PAGE1: variants seen among roughly 807,000 people sequenced by gnomAD.
The protein encoded by PAGE1 is PAGE family member 1, also known as P antigen family member 1.
PAGE1 carries 6 observed loss-of-function variants against 11.5 expected under a neutral mutation model. The observed-to-expected ratio is 0.52, with a 90% CI of 0.29 to 1.03. The LOEUF (loss-of-function observed/expected upper bound fraction) is 1.03, where lower values mean the gene tolerates loss of function less well. Ranked by LOEUF, PAGE1 falls within the 50% of genes least tolerant of loss-of-function variation. PAGE1 has a pLI of 0.09. For synonymous variants in PAGE1, 42 were observed against 40.2 expected (o/e 1.05, Z -0.17); for missense variants, 120 against 110.2 (o/e 1.09, Z -0.40).
intron 4 of PAGE1, among the ~76,000 whole-genome samples, chrX:49,690,110 CACATATATATGTGTATATAT>C (rs1557142019): frequency 3.1e-5 from 2 of 64,970 alleles, no homozygotes; most frequent in African/African-American, 1.5e-4. Context: ...TGTATATATA[CACATATATATGTGTATATAT>C]ACACATATAT....
intron 4 of PAGE1, among the ~76,000 whole-genome samples, chrX:49,689,803 T>C (rs1207806880): frequency 3.1e-5 from 2 of 63,935 alleles, no homozygotes; most frequent in Non-Finnish European, 5.3e-5. Context: ...TATGTATATA[T>C]ATGTGTATAT....
intron 3 of PAGE1, among the ~76,000 whole-genome samples, chrX:49,693,358 A>G (rs1557142435): frequency 8.9e-6 from 1 of 112,096 alleles, no homozygotes; most frequent in African/African-American, 3.2e-5. Context: ...TATTCTAGAT[A>G]CCTTTAACAG....
Position 49,691,369 on chromosome X carries a change from C to T in PAGE1, c.172G>A (p.Glu58Lys), listed in dbSNP as rs375760749. ...AGTTCCTGGCTATCAGCTTCAGGCT[C>T]CTGCCCTTAAAGATAAAACAAAATT... ...DEGASAAQGQ[E>K]PEADSQELVQ... Residue 58 changes from glutamate (E) to lysine (K), a missense_variant, in exon 4 of 6, where the codon GAG (glutamate) becomes AAG (lysine). Physicochemically the swap from Glu to Lys is moderately conservative, Grantham distance 56 (BLOSUM62 1). Transcript: ENST00000376150. 2.5e-6 allele frequency: 3 copies of T among 1,195,566 alleles called. No homozygotes were observed. The highest frequency in any genetic ancestry group is 3.4e-6 in the Non-Finnish European group (3 of 888,363).
intron 4 of PAGE1, among the ~76,000 whole-genome samples, chrX:49,689,745 T>C (rs1246454127): frequency 1.7e-5 from 1 of 58,037 alleles, no homozygotes; most frequent in Non-Finnish European, 2.7e-5. Flanking sequence ...CACATATATG[T>C]ATATGTGTAT....
intron 4 of PAGE1, among the ~76,000 whole-genome samples, chrX:49,689,762 A>G (rs55752844): frequency 6.4e-5 from 4 of 62,908 alleles, no homozygotes; most frequent in Non-Finnish European, 8.2e-5. Flanking sequence ...GTATATATAC[A>G]TATATATGTG....
chrX:49,687,676 A>G, intron 5 of PAGE1, 113 bp from the exon 6 acceptor site: 1 of 633,779 alleles, frequency 1.6e-6, no homozygotes, highest in East Asian at 3.4e-5. Flanking sequence ...GACTAAAAAT[A>G]GAACTCTAAG....
At chrX:49,690,041 A>G (rs1368843642) in intron 4 of PAGE1, among the ~76,000 whole-genome samples, 1 of 68,073 alleles carries the variant, frequency 1.5e-5, no homozygotes, top group East Asian at 7.4e-4. Flanking sequence ...ATATATGTGT[A>G]TATATGTGTA....
At chrX:49,691,072 G>T (rs1338400248) in intron 4 of PAGE1, among the ~76,000 whole-genome samples, 177 bp downstream of exon 4, 1 of 111,242 alleles carries the variant, frequency 9.0e-6, no homozygotes, top group East Asian at 2.8e-4. Context: ...TAGCTGCTCG[G>T]GAGGCTGAGG....
chrX:49,691,902 C>A (rs1450345974), intron 3 of PAGE1, among the ~76,000 whole-genome samples: 8 of 111,722 alleles, frequency 7.2e-5, no homozygotes, highest in African/African-American at 2.6e-4. Context: ...TTTGGGAGAC[C>A]GAGGTGGGCG....
At position 49,691,292 on chromosome X, in the gene PAGE1, C is replaced by T. The variant is rs2066919540; in HGVS notation, c.249G>A (p.Arg83=). The change falls in exon 4 of 6, where the codon AGG becomes AGA. Residue 83 remains arginine, a synonymous_variant. Coordinates refer to ENST00000376150, the MANE Select transcript of PAGE1 (RefSeq NM_003785.4). ...TCTGCTCTTCATTTCGCAGGCACAC[C>T]CTCTTGGTATCAGGACCATCTCCAA... The part of the protein sequence containing the change: ...CELGDGPDTK[R]VCLRNEEQMK... 1 of 1,210,254 alleles carries T rather than the reference C, an allele frequency of 8.3e-7. No individual in the cohort carries two copies. Among genetic ancestry groups the T allele is most frequent in the Non-Finnish European group, 1.1e-6 (1 of 894,360 alleles).
At chrX:49,692,326 G>A (rs1557142298) in intron 3 of PAGE1, among the ~76,000 whole-genome samples, 2 of 111,297 alleles carry the variant, frequency 1.8e-5, no homozygotes, top group African/African-American at 6.5e-5. Flanking sequence ...ACACTTTCAA[G>A]TACTTAGGGT....
intron 5 of PAGE1, 146 bp from the exon 6 acceptor site, chrX:49,687,709 A>G: frequency 1.1e-5 from 5 of 453,003 alleles, no homozygotes; most frequent in Non-Finnish European, 1.8e-5. Flanking sequence ...TCTTATAGCC[A>G]AGTAAACCTC....
At position 49,690,049 on chromosome X, in the gene PAGE1, GTATATA is replaced by G. The variant is rs1223087513; in HGVS notation, c.293-512_293-507del. On this transcript the variant is annotated intron_variant, in intron 4 of 5. Coordinates refer to ENST00000376150, the MANE Select transcript of PAGE1 (RefSeq NM_003785.4). ...CACACATATATATGTGTATATATGT[GTATATA>G]TGTGTATATACACACATATATATGT... is the stretch of plus-strand genomic sequence containing the variant. 3.7e-5 allele frequency among the ~76,000 whole-genome samples: 2 copies of G among 54,181 alleles called. 1 individual carries two copies. Among genetic ancestry groups the G allele is most frequent in the East Asian group, 1.9e-3 (2 of 1,029 alleles). The allele number at this position is 54,181 out of a possible 115,157, so 47.0% of individuals were successfully genotyped here.
chrX:49,689,148 T>C (rs1289944728), intron 5 of PAGE1, among the ~76,000 whole-genome samples: 2 of 109,887 alleles, frequency 1.8e-5, no homozygotes, highest in Non-Finnish European at 3.8e-5. Context: ...TGAGACCAGC[T>C]TATGCAAAAT....
chrX:49,691,342 C>T lies in PAGE1; in HGVS notation c.199G>A (p.Val67Ile), dbSNP rs2066919873. 3.3e-6 allele frequency: 4 copies of T among 1,208,302 alleles called. No homozygotes were observed. Among genetic ancestry groups the T allele is most frequent in the Non-Finnish European group, 4.5e-6 (4 of 893,109 alleles). Residue 67 changes from valine to isoleucine, a missense_variant, in exon 4 of 6, where the codon GTT becomes ATT. Physicochemically the swap from Val to Ile is conservative, Grantham distance 29. Transcript: ENST00000376150. The part of the protein sequence containing the change: ...QEPEADSQEL[V>I]QPKTGCELGD... ...AGCTCACACCCAGTCTTTGGCTGAA[C>T]CAGTTCCTGGCTATCAGCTTCAGGC...
intron 1 of PAGE1, among the ~76,000 whole-genome samples, chrX:49,695,578 C>A (rs1052176938): frequency 8.9e-6 from 1 of 111,808 alleles, no homozygotes; most frequent in Non-Finnish European, 1.9e-5. Context: ...GGACTTTGAC[C>A]CCTCCAACAG....
chrX:49,688,817 G>C (rs1251816097), intron 5 of PAGE1, among the ~76,000 whole-genome samples: 3 of 111,933 alleles, frequency 2.7e-5, no homozygotes, highest in Non-Finnish European at 5.6e-5. Flanking sequence ...TGTTACAAAT[G>C]TGTTATGTAT....
At chrX:49,689,858 AGG>A (rs1328671454) in intron 4 of PAGE1, among the ~76,000 whole-genome samples, 1 of 56,215 alleles carries the variant, frequency 1.8e-5, no homozygotes, top group African/African-American at 8.1e-5. Context: ...ACACATATAT[AGG>A]TGTGTATATA....
Position 49,691,474 on chromosome X carries a change from G to C in PAGE1, c.167-100C>G, listed in dbSNP as rs111594572. 75 of 649,183 alleles carry C rather than the reference G, an allele frequency of 1.2e-4. No individual in the cohort carries two copies. In the African/African-American group the frequency reaches 1.6e-3, roughly 13 times the overall value. The allele number at this position is 649,183 out of a possible 1,213,427, so 53.5% of individuals were successfully genotyped here. On this transcript the variant is annotated intron_variant, in intron 3 of 5. Transcript: ENST00000376150. ...TTGGTCTTATTAAATAAAAGCTTTA[G>C]GTACTGTAATAATAAATGTGTTGAT...
Sources: gnomAD v4.1 joint callset for allele counts (sites outside exome capture counted in the v4.1 genomes callset) on GRCh38, gnomAD v4.1.1 for gene constraint, MANE v1.5 for transcripts, NCBI Gene and HGNC (gene_info 2026-07-23, HGNC 2026-07-21) for gene names.